The following MBTD1 variants were observed in gnomAD, a reference collection of about 807,000 sequenced individuals.
MBTD1 encodes the protein mbt domain containing 1.
Under a neutral mutation model 87.8 loss-of-function variants are expected in MBTD1, and 24 were observed. The ratio of observed to expected loss-of-function variants is 0.27; its 90% CI spans 0.20 to 0.38. The LOEUF is 0.38. Ranked by LOEUF, MBTD1 falls within the 10% of genes least tolerant of loss-of-function variation. The pLI is 1.00. For synonymous variants in MBTD1, 237 were observed against 248.6 expected (o/e 0.95, Z 0.44); for missense variants, 436 against 760.2 (o/e 0.57, Z 5.02).
At chr17:51,260,608 A>T (rs1327137577), upstream of MBTD1, 23 of 1,612,614 alleles carry the variant, frequency 1.4e-5, no homozygotes, top group Non-Finnish European at 1.9e-5. Flanking sequence ...GGAGGAGACG[A>T]ATGAAACTGG....
At chr17:51,223,496 G>A (rs1300240970) in intron 3 of MBTD1, among the ~76,000 whole-genome samples, 4 of 151,834 alleles carry the variant, frequency 2.6e-5, no homozygotes, top group African/African-American at 7.3e-5. Flanking sequence ...AGATCTTGCC[G>A]CTGCCATTCC....
At position 51,218,930 on chromosome 17, in the gene MBTD1, C is replaced by T; in HGVS notation, c.403G>A (p.Ala135Thr). 6.6e-7 allele frequency: 1 copy of T among 1,525,722 alleles called. No homozygotes were observed. The highest frequency in any genetic ancestry group is 8.9e-7 in the Non-Finnish European group (1 of 1,123,900). 94.5% of individuals were successfully genotyped at this position (1,525,722 alleles called of 1,614,324 possible). ...TLQNQAKTKA[A>T]VSMEGFSWGN... ...CCTCTGTCAGATTCACCAATATTAC[C>T]TGCTTTTGTCTTTGCTTGATTTTGC... is the stretch of plus-strand genomic sequence containing the variant. The change falls in exon 5 of 17, where the codon GCA (alanine) becomes ACA (threonine). Residue 135 changes from alanine (A) to threonine (T), a missense_variant and splice_region_variant. Ala to Thr is a moderately conservative substitution (Grantham distance 58). This residue lies in a region of MBTD1 where 268 missense variants were observed against 401.8 expected (regional missense o/e 0.67). Transcript: ENST00000586178.
chr17:51,201,137 GAACA>G lies in MBTD1; in HGVS notation c.1224+451_1224+454del, dbSNP rs1024158680. Among the ~76,000 whole-genome samples the G allele has an allele frequency of 1.2e-4, 18 of 151,916 alleles. No individual in the cohort carries two copies. In the East Asian group the frequency reaches 1.5e-3, roughly 13 times the overall value. On this transcript the variant is annotated intron_variant, in intron 12 of 16. Transcript: ENST00000586178. ...GAGAGAGACTGTCTCAAAAAAAAAT[GAACA>G]AACAAACAAAAAACCCAAGAATTTC... is the stretch of plus-strand genomic sequence containing the variant.
Position 51,259,175 on chromosome 17 carries a change from G to T in MBTD1, c.-81C>A, listed in dbSNP as rs565897006. On this transcript the variant is annotated 5_prime_UTR_variant, in exon 2 of 17. Coordinates refer to ENST00000586178, the MANE Select transcript of MBTD1 (RefSeq NM_017643.3). ...CAGAGAGGCTGCAGAGGGGACGGCT[G>T]CTTTGGATGACCTCTAATGTCTCTT... is the stretch of plus-strand genomic sequence containing the variant. The T allele has an allele frequency of 5.1e-5, 52 of 1,009,766 alleles. No homozygotes were observed. Among genetic ancestry groups the T allele is most frequent in the Non-Finnish European group, 6.5e-5 (51 of 785,010 alleles). The allele number at this position is 1,009,766 out of a possible 1,614,324, so 62.6% of individuals were successfully genotyped here. A position where few individuals can be genotyped will look rare whatever the true frequency, so the allele number is the denominator to read the frequency against.
chr17:51,260,212 T>G (rs1432220573), upstream of MBTD1: 1 of 407,704 alleles, frequency 2.5e-6, no homozygotes, highest in African/African-American at 2.1e-5. Flanking sequence ...TTGGGGCTTG[T>G]GTCAAGTCAA....
intron 16 of MBTD1, chr17:51,184,894 C>T (rs879587491): frequency 2.0e-5 from 3 of 152,160 alleles, no homozygotes; most frequent in Admixed American, 6.6e-5. Context: ...GAGCAGGTAA[C>T]ACTGGATTTA....
rs1256484747 is a variant in MBTD1, at chr17:51,187,762, T to C, written c.1768+4441A>G. On this transcript the variant is annotated intron_variant, in intron 16 of 16. Coordinates refer to ENST00000586178, the MANE Select transcript of MBTD1 (RefSeq NM_017643.3). The stretch of plus-strand genomic sequence containing the variant: ...TACTTGGGAGGCTGAAGCAGGAGAA[T>C]CGCTTGAATCCGGGAGGCAGAGGTT... Among the ~76,000 whole-genome samples, 4 of 150,626 alleles carry C rather than the reference T, an allele frequency of 2.7e-5. No homozygotes were observed. In the East Asian group the frequency reaches 7.9e-4, roughly 30 times the overall value.
chr17:51,182,285 T>C (rs1054898189), intron 16 of MBTD1, among the ~76,000 whole-genome samples: 1 of 152,096 alleles, frequency 6.6e-6, no homozygotes, highest in African/African-American at 2.4e-5. Flanking sequence ...CCACCATGCC[T>C]GGCGAATTCT....
At chr17:51,186,138 G>A (rs141732179) in intron 16 of MBTD1, 4 of 152,766 alleles carry the variant, frequency 2.6e-5, no homozygotes, top group Admixed American at 2.6e-4. Context: ...TTCGTCACCA[G>A]AGAAGCTCCT....
intron 2 of MBTD1, among the ~76,000 whole-genome samples, chr17:51,233,294 A>C (rs9675302): frequency 0.51 from 77,869 of 151,780 alleles, 20,289 homozygotes; most frequent in South Asian, 0.65. Flanking sequence ...TAGTACCTAA[A>C]CATTAAGGCC....
upstream of MBTD1, chr17:51,260,861 G>A (rs1246869930): frequency 1.2e-6 from 2 of 1,601,902 alleles, no homozygotes; most frequent in African/African-American, 1.3e-5. Flanking sequence ...GTGCTTGGAG[G>A]AGCTGGTCTT....
intron 4 of MBTD1, among the ~76,000 whole-genome samples, chr17:51,219,471 G>T (rs1476689225): frequency 1.3e-5 from 2 of 152,170 alleles, no homozygotes; most frequent in Non-Finnish European, 2.9e-5. Flanking sequence ...TATACCTTTA[G>T]TGCTAACGCA....
At chr17:51,211,505 A>C (rs1023265157) in intron 6 of MBTD1, among the ~76,000 whole-genome samples, 1 of 24,098 alleles carries the variant, frequency 4.1e-5, no homozygotes, top group Non-Finnish European at 8.0e-5. Flanking sequence ...GAGACTGTTT[A>C]AAAAAAAAAA....
At chr17:51,204,957 C>A (rs559287694) in intron 7 of MBTD1, among the ~76,000 whole-genome samples, 2 of 152,138 alleles carry the variant, frequency 1.3e-5, no homozygotes, top group South Asian at 4.1e-4. Flanking sequence ...TCAATAAACA[C>A]AAAGAAAATT....
chr17:51,245,086 G>A (rs1000531956), intron 2 of MBTD1, among the ~76,000 whole-genome samples: 1 of 152,084 alleles, frequency 6.6e-6, no homozygotes, highest in Non-Finnish European at 1.5e-5. Context: ...ATTTTTAGTA[G>A]AGGCGGGGTT....
At chr17:51,186,643 A>G (rs910237938) in intron 16 of MBTD1, among the ~76,000 whole-genome samples, 2 of 151,880 alleles carry the variant, frequency 1.3e-5, no homozygotes, top group Non-Finnish European at 2.9e-5. Context: ...GCATGGTGGC[A>G]GGCGCCTGTG....
At chr17:51,210,853 C>T (rs967556155) in intron 6 of MBTD1, among the ~76,000 whole-genome samples, 3 of 151,710 alleles carry the variant, frequency 2.0e-5, no homozygotes, top group African/African-American at 7.3e-5. Flanking sequence ...ACCAATATCA[C>T]TAAAGAATTG....
chr17:51,197,456 A>C (rs2051198700), intron 12 of MBTD1, among the ~76,000 whole-genome samples: 1 of 149,522 alleles, frequency 6.7e-6, no homozygotes, highest in African/African-American at 2.5e-5. Flanking sequence ...TCATGAATAA[A>C]CTCCTAATTT....
intron 5 of MBTD1, 117 bp from the exon 6 acceptor site, chr17:51,217,533 TTTTC>T (rs1343149001): frequency 3.6e-6 from 2 of 550,456 alleles, no homozygotes; most frequent in Admixed American, 3.9e-5. Context: ...TTAAAGAACG[TTTTC>T]TTTATGTAAA....
Sources: gnomAD v4.1 joint callset for allele counts (sites outside exome capture counted in the v4.1 genomes callset) on GRCh38, gnomAD v4.1.1 for gene constraint, gnomAD v4.1.1 regional missense constraint, MANE v1.5 for transcripts, NCBI Gene and HGNC (gene_info 2026-07-23, HGNC 2026-07-21) for gene names.